ARID5B: variants seen among roughly 807,000 people sequenced by gnomAD.
ARID5B encodes AT-rich interactive domain-containing protein 5B.
Under a neutral mutation model 97.2 loss-of-function variants are expected in ARID5B, and 13 were observed. That is an observed-to-expected ratio of 0.13 (90% CI 0.09 to 0.21). The LOEUF is 0.21. Among genes scored for constraint, ARID5B ranks in the 10% least tolerant of loss-of-function variants. ARID5B has a pLI of 1.00. For synonymous variants in ARID5B, 556 were observed against 570.3 expected (o/e 0.97, Z 0.36); for missense variants, 1,210 against 1,465.3 (o/e 0.83, Z 2.84).
At chr10:61,910,175 T>G (rs1464939096) in intron 2 of ARID5B, among the ~76,000 whole-genome samples, 1 of 152,238 alleles carries the variant, frequency 6.6e-6, no homozygotes, top group Admixed American at 6.5e-5. Flanking sequence ...GTTATTTTTA[T>G]GAAATACAAG....
Position 61,947,933 on chromosome 10 carries a change from T to C in ARID5B, c.502+7525T>C, listed in dbSNP as rs183145451. On this transcript the variant is annotated intron_variant, in intron 3 of 9. Coordinates refer to ENST00000279873, the MANE Select transcript of ARID5B (RefSeq NM_032199.3). ...TTTGGAATTACTGTTGACCTGAGGA[T>C]TTTCTAGTGTTTCCTGCAGCCACGA... 2.4e-3 allele frequency among the ~76,000 whole-genome samples: 361 copies of C among 152,284 alleles called. 1 individual carries two copies. Among genetic ancestry groups the C allele is most frequent in the African/African-American group, 8.2e-3 (339 of 41,544 alleles).
At chr10:61,961,563 A>G (rs964413357) in intron 3 of ARID5B, among the ~76,000 whole-genome samples, 18 of 152,128 alleles carry the variant, frequency 1.2e-4, no homozygotes, top group African/African-American at 4.3e-4. Flanking sequence ...CCCACCGTGC[A>G]CCTGCCCTTT....
rs1164342402 is a variant in ARID5B at position 61,983,867 on chromosome 10, C to CTTTTTTTTTTTTTTTTTTTT, written c.503-16212_503-16193dup. Among the ~76,000 whole-genome samples the CTTTTTTTTTTTTTTTTTTTT allele has an allele frequency of 3.3e-4, 9 of 27,590 alleles. 3 individuals carry two copies. Among genetic ancestry groups the CTTTTTTTTTTTTTTTTTTTT allele is most frequent in the African/African-American group, 1.1e-3 (7 of 6,322 alleles). 18.1% of individuals were successfully genotyped at this position (27,590 alleles called of 152,430 possible). A position where few individuals can be genotyped will look rare whatever the true frequency, so the allele number is the denominator to read the frequency against. On this transcript the variant is annotated intron_variant, in intron 3 of 9. Coordinates refer to ENST00000279873, the MANE Select transcript of ARID5B (RefSeq NM_032199.3). ...TATATTTTTTAAACCCCCTTTTGTT[C>CTTTTTTTTTTTTTTTTTTTT]TTTTTTTTTTTTTTTTTTTTTTTTT... is the stretch of plus-strand genomic sequence containing the variant.
chr10:61,969,566 G>A (rs895350265), intron 3 of ARID5B, among the ~76,000 whole-genome samples: 1 of 152,162 alleles, frequency 6.6e-6, no homozygotes, highest in Non-Finnish European at 1.5e-5. Context: ...GAGGAGGACT[G>A]AGTTGAGTTT....
chr10:61,960,472 T>TATTA (rs1222437792), intron 3 of ARID5B, among the ~76,000 whole-genome samples: 1 of 152,214 alleles, frequency 6.6e-6, no homozygotes, highest in East Asian at 1.9e-4. Flanking sequence ...GCAATGTGTT[T>TATTA]ATTATAGGAA....
intron 2 of ARID5B, among the ~76,000 whole-genome samples, chr10:61,910,508 A>G (rs1431872002): frequency 1.3e-5 from 2 of 151,836 alleles, no homozygotes; most frequent in East Asian, 1.9e-4. Flanking sequence ...GGATTCCCTC[A>G]TTTCTTGAAG....
chr10:62,082,006 T>G (rs1042000876), intron 8 of ARID5B, among the ~76,000 whole-genome samples: 1 of 152,130 alleles, frequency 6.6e-6, no homozygotes, highest in Non-Finnish European at 1.5e-5. Context: ...GTCTTTTTTT[T>G]TTTAAGAAAG....
chr10:62,091,492 C>A lies in ARID5B; in HGVS notation c.2029C>A (p.Leu677Met). ...GAACCATGGACTTAATTACACGCCC[C>A]TGCTCTACTCTAGGGGCAACCCAGG... ...NENHGLNYTP[L>M]LYSRGNPGIM... Residue 677 changes from leucine (L) to methionine (M), a missense_variant, in exon 10 of 10, where the codon CTG becomes ATG. Leu to Met is a conservative substitution (Grantham distance 15). Coordinates refer to ENST00000279873, the MANE Select transcript of ARID5B (RefSeq NM_032199.3). 1 of 1,613,388 alleles carries A rather than the reference C, an allele frequency of 6.2e-7. No individual in the cohort carries two copies. The highest frequency in any genetic ancestry group is 8.5e-7 in the Non-Finnish European group (1 of 1,179,704).
At chr10:62,046,340 A>C (rs1255455553) in intron 4 of ARID5B, among the ~76,000 whole-genome samples, 1 of 152,202 alleles carries the variant, frequency 6.6e-6, no homozygotes, top group Non-Finnish European at 1.5e-5. Flanking sequence ...GGGTTGACAT[A>C]AAAGTTTCCC....
At chr10:62,015,700 T>C (rs1036365116) in intron 4 of ARID5B, among the ~76,000 whole-genome samples, 1 of 152,178 alleles carries the variant, frequency 6.6e-6, no homozygotes, top group Non-Finnish European at 1.5e-5. Flanking sequence ...CTTGGCTCAC[T>C]GCAACCTCCG....
At chr10:61,994,705 C>T (rs536588639) in intron 3 of ARID5B, among the ~76,000 whole-genome samples, 3 of 152,244 alleles carry the variant, frequency 2.0e-5, no homozygotes, top group Non-Finnish European at 4.4e-5. Flanking sequence ...GTTATAATTA[C>T]AGTTTCGCTA....
At chr10:61,925,354 G>C (rs925931897) in intron 2 of ARID5B, among the ~76,000 whole-genome samples, 4 of 152,072 alleles carry the variant, frequency 2.6e-5, no homozygotes, top group Admixed American at 6.6e-5. Flanking sequence ...CATAACACTG[G>C]AATTGGGCTC....
chr10:62,037,343 TG>T (rs1178256039), intron 4 of ARID5B, among the ~76,000 whole-genome samples: 6 of 152,176 alleles, frequency 3.9e-5, no homozygotes. Flanking sequence ...GGCCCTCACA[TG>T]GTTAGAGTCC....
At chr10:62,046,741 C>A (rs1214776379) in intron 4 of ARID5B, 1 of 151,936 alleles carries the variant, frequency 6.6e-6, no homozygotes, top group Non-Finnish European at 1.5e-5. Flanking sequence ...GTCAGTGGCC[C>A]ACTGGTTAAG....
At chr10:61,983,999 T>G (rs1328222929) in intron 3 of ARID5B, among the ~76,000 whole-genome samples, 1 of 23,770 alleles carries the variant, frequency 4.2e-5, no homozygotes, top group African/African-American at 1.3e-4. Context: ...GCCATTCTCC[T>G]GCCTCAGCCT....
chr10:61,975,253 G>A (rs1838683235), intron 3 of ARID5B, among the ~76,000 whole-genome samples: 1 of 152,048 alleles, frequency 6.6e-6, no homozygotes, highest in Non-Finnish European at 1.5e-5. Flanking sequence ...TGGAGCCTCT[G>A]GTTACCAAAG....
chr10:61,952,846 G>GTA (rs1838341722), intron 3 of ARID5B, among the ~76,000 whole-genome samples: 1 of 126,884 alleles, frequency 7.9e-6, no homozygotes, highest in African/African-American at 3.3e-5. Context: ...TGTTATAGGT[G>GTA]TGTGTGTGTG....
intron 4 of ARID5B, among the ~76,000 whole-genome samples, chr10:62,026,949 C>T (rs1296358289): frequency 1.3e-5 from 2 of 152,112 alleles, no homozygotes; most frequent in African/African-American, 2.4e-5. Context: ...GCAGAAGGAG[C>T]CAAATAAAAG....
intron 4 of ARID5B, among the ~76,000 whole-genome samples, chr10:62,021,046 ATATATATATATATATATATATATCTC>A (rs1839350239): frequency 7.8e-6 from 1 of 127,982 alleles, no homozygotes; most frequent in African/African-American, 4.0e-5. Flanking sequence ...ATATATATAT[ATATATATATATATATATATATATCTC>A]AGAAGATAGA....
Sources: gnomAD v4.1 joint callset for allele counts (sites outside exome capture counted in the v4.1 genomes callset) on GRCh38, gnomAD v4.1.1 for gene constraint, MANE v1.5 for transcripts, NCBI Gene and HGNC (gene_info 2026-07-23, HGNC 2026-07-21) for gene names.